Variants in ARK2C observed in about 807,000 individuals in gnomAD.
ARK2C encodes the protein arkadia (RNF111) C-terminal like ring finger ubiquitin ligase 2C.
chr18:46,359,068 C>T, the ARK2C span, among the ~76,000 whole-genome samples: 1 of 152,316 alleles, frequency 6.6e-6, no homozygotes, highest in African/African-American at 2.4e-5. Context: ...ACTCAGTTGT[C>T]CTCCCCGTAA....
the ARK2C span, among the ~76,000 whole-genome samples, chr18:46,451,505 G>T: frequency 6.6e-6 from 1 of 152,204 alleles, no homozygotes; most frequent in East Asian, 1.9e-4. Flanking sequence ...GCAATAAAAA[G>T]AAATAAGGAC....
At chr18:46,390,748 G>A in the ARK2C span, among the ~76,000 whole-genome samples, 1 of 152,078 alleles carries the variant, frequency 6.6e-6, no homozygotes, top group Non-Finnish European at 1.5e-5. Flanking sequence ...ATCCTATACT[G>A]GGCTGGGCTC....
At chr18:46,336,380 C>A in the ARK2C span, 15 of 972,368 alleles carry the variant, frequency 1.5e-5, no homozygotes, top group Middle Eastern at 5.2e-4. Flanking sequence ...CTCACCCCCC[C>A]CAACAAAAAA....
At chr18:46,435,195 G>A in the ARK2C span, 1 of 1,029,680 alleles carries the variant, frequency 9.7e-7, no homozygotes, top group Non-Finnish European at 1.5e-6. Context: ...GCAAGAGTGG[G>A]GCACCCTCAG....
At chr18:46,406,841 G>A in the ARK2C span, among the ~76,000 whole-genome samples, 1 of 152,216 alleles carries the variant, frequency 6.6e-6, no homozygotes, top group South Asian at 2.1e-4. Context: ...CGGATGGTGA[G>A]GGCAGATGTC....
chr18:46,366,955 G>T, the ARK2C span, among the ~76,000 whole-genome samples: 2 of 152,138 alleles, frequency 1.3e-5, no homozygotes, highest in Non-Finnish European at 2.9e-5. Flanking sequence ...ACTGGCTTAG[G>T]GCCCAGTCAT....
At chr18:46,401,351 C>A in the ARK2C span, among the ~76,000 whole-genome samples, 10 of 152,188 alleles carry the variant, frequency 6.6e-5, no homozygotes, top group African/African-American at 2.4e-4. Flanking sequence ...CCATCACCAA[C>A]ATCAAATGTC....
chr18:46,352,822 G>A, the ARK2C span, among the ~76,000 whole-genome samples: 1 of 152,222 alleles, frequency 6.6e-6, no homozygotes, highest in Non-Finnish European at 1.5e-5. Context: ...TTTAGGGGTT[G>A]CATTACCGTA....
At chr18:46,456,073 G>A in the ARK2C span, 2 of 1,601,728 alleles carry the variant, frequency 1.2e-6, no homozygotes, top group Non-Finnish European at 1.7e-6. Context: ...AGATGGAGAA[G>A]ATGTGAGGTA....
chr18:46,337,096 C>T, the ARK2C span: 1 of 985,324 alleles, frequency 1.0e-6, no homozygotes, highest in South Asian at 4.7e-5. Flanking sequence ...GCCAGACCTG[C>T]TTGAAAACTG....
chr18:46,452,468 T>A, the ARK2C span, among the ~76,000 whole-genome samples: 2 of 151,860 alleles, frequency 1.3e-5, no homozygotes, highest in South Asian at 4.2e-4. Context: ...TTAGTAGAGA[T>A]GGGGTTTCAC....
chr18:46,427,594 T>C, the ARK2C span, among the ~76,000 whole-genome samples: 1 of 152,234 alleles, frequency 6.6e-6, no homozygotes, highest in Non-Finnish European at 1.5e-5. Context: ...TGCCATTCTC[T>C]TTCCCGTTCC....
the ARK2C span, among the ~76,000 whole-genome samples, chr18:46,365,038 C>G: frequency 6.6e-6 from 1 of 152,146 alleles, no homozygotes. Flanking sequence ...TGGGAGTTCC[C>G]TTTCTTCTAA....
the ARK2C span, among the ~76,000 whole-genome samples, chr18:46,372,044 T>G: frequency 2.6e-5 from 4 of 152,218 alleles, no homozygotes; most frequent in Non-Finnish European, 4.4e-5. Flanking sequence ...GTCCTGAAGA[T>G]GAGGCCCACA....
At chr18:46,372,301 C>T in the ARK2C span, among the ~76,000 whole-genome samples, 376 of 152,304 alleles carry the variant, frequency 2.5e-3, 1 homozygote, top group Non-Finnish European at 3.7e-3. Context: ...ACTCATCCAG[C>T]CACCCACTTG....
chr18:46,415,525 CAAAAAAAAT>C, the ARK2C span, among the ~76,000 whole-genome samples: 9 of 148,136 alleles, frequency 6.1e-5, no homozygotes, highest in East Asian at 1.9e-4. Context: ...GGATCTGTCT[CAAAAAAAAT>C]AAAAAAAATA....
chr18:46,393,431 G>A, the ARK2C span, among the ~76,000 whole-genome samples: 6 of 152,176 alleles, frequency 3.9e-5, no homozygotes, highest in Non-Finnish European at 8.8e-5. Context: ...GACGCCAGAA[G>A]GGTGCGCTGT....
the ARK2C span, among the ~76,000 whole-genome samples, chr18:46,435,800 C>T: frequency 6.6e-6 from 1 of 152,148 alleles, no homozygotes; most frequent in Non-Finnish European, 1.5e-5. Context: ...TCAAGGGATC[C>T]ACAGAGAAGT....
At chr18:46,387,191 A>G in the ARK2C span, 1 of 152,194 alleles carries the variant, frequency 6.6e-6, no homozygotes, top group African/African-American at 2.4e-5. Flanking sequence ...AAGTTTCTTC[A>G]TGGCTTGTTC....
Sources: allele counts gnomAD v4.1 joint callset (sites outside exome capture counted in the v4.1 genomes callset), GRCh38; gene constraint gnomAD v4.1.1; transcripts MANE v1.5; gene names NCBI Gene and HGNC (gene_info 2026-07-23, HGNC 2026-07-21).